The following AHCYL2 variants were observed in gnomAD, a reference collection of about 807,000 sequenced individuals.
AHCYL2 encodes the protein adenosylhomocysteinase like 2.
A neutral mutation model predicts 81.4 loss-of-function variants in AHCYL2; 28 were observed. The ratio of observed to expected loss-of-function variants is 0.34; its 90% confidence interval spans 0.25 to 0.47. The LOEUF (loss-of-function observed/expected upper bound fraction) is 0.47, where lower values mean the gene tolerates loss of function less well. Among genes scored for constraint, AHCYL2 ranks in the 20% least tolerant of loss-of-function variants. AHCYL2 has a pLI of 1.00. For synonymous variants in AHCYL2, 272 were observed against 290.2 expected, an observed-to-expected ratio of 0.94 and a Z score of 0.64; for missense variants, 551 against 785.1, an observed-to-expected ratio of 0.70 and a Z score of 3.56.
chr7:129,285,227 G>C (rs1796587198), intron 1 of AHCYL2, among the ~76,000 whole-genome samples: 1 of 152,214 alleles, frequency 6.6e-6, no homozygotes, highest in African/African-American at 2.4e-5. Flanking sequence ...GCTAGCATCA[G>C]CTATGGTTAG....
At chr7:129,342,739 A>T (rs1214554022) in intron 1 of AHCYL2, among the ~76,000 whole-genome samples, 2 of 152,196 alleles carry the variant, frequency 1.3e-5, no homozygotes, top group Non-Finnish European at 2.9e-5. Context: ...TTACATGTTT[A>T]AAATAAGGGA....
chr7:129,324,903 C>A (rs543590231), intron 1 of AHCYL2, among the ~76,000 whole-genome samples: 1 of 152,268 alleles, frequency 6.6e-6, no homozygotes, highest in South Asian at 2.1e-4. Flanking sequence ...TTATCAGACA[C>A]CTCCTTCATG....
intron 1 of AHCYL2, among the ~76,000 whole-genome samples, chr7:129,320,651 G>A (rs1352918714): frequency 6.6e-6 from 1 of 152,122 alleles, no homozygotes; most frequent in Non-Finnish European, 1.5e-5. Context: ...TAAATAATAT[G>A]CCATAAAATC....
In AHCYL2 at chr7:129,253,696, C is replaced by T. The variant is rs542608352; in HGVS notation, c.363+28257C>T. On this transcript the variant is annotated intron_variant, in intron 1 of 16. Transcript: ENST00000325006. ...GTTCAGACACAGCTCACTACAGCTT[C>T]GACCTTCTGGGCCCAAGTGATTCTT... 5.3e-5 allele frequency among the ~76,000 whole-genome samples: 8 copies of T among 152,272 alleles called. No homozygotes were observed. The South Asian group carries it at 6.2e-4, about 12-fold the overall frequency.
chr7:129,384,916 G>A (rs1417242239), intron 2 of AHCYL2, among the ~76,000 whole-genome samples: 3 of 152,110 alleles, frequency 2.0e-5, no homozygotes, highest in Non-Finnish European at 4.4e-5. Context: ...ATTAATCCAC[G>A]AAACTATTTT....
At chr7:129,277,360 C>T (rs941928123) in intron 1 of AHCYL2, among the ~76,000 whole-genome samples, 4 of 151,558 alleles carry the variant, frequency 2.6e-5, no homozygotes, top group East Asian at 3.9e-4. Context: ...TCACTGCAAC[C>T]TCCGCCTCCT....
intron 1 of AHCYL2, among the ~76,000 whole-genome samples, chr7:129,298,923 G>A (rs982455841): frequency 1.3e-5 from 2 of 152,120 alleles, no homozygotes; most frequent in Non-Finnish European, 2.9e-5. Flanking sequence ...TAAAGGCTCA[G>A]ATGGTAAGTG....
intron 1 of AHCYL2, among the ~76,000 whole-genome samples, chr7:129,320,656 A>G (rs143939402): frequency 6.6e-6 from 1 of 152,330 alleles, no homozygotes; most frequent in Non-Finnish European, 1.5e-5. Flanking sequence ...AATATGCCAT[A>G]AAATCTTCCT....
At chr7:129,314,329 A>G (rs566602641) in intron 1 of AHCYL2, among the ~76,000 whole-genome samples, 2 of 152,318 alleles carry the variant, frequency 1.3e-5, no homozygotes, top group South Asian at 4.1e-4. Context: ...ATATGATTAT[A>G]TTATGTTTTT....
intron 1 of AHCYL2, among the ~76,000 whole-genome samples, chr7:129,250,969 C>T (rs1046493632): frequency 2.6e-5 from 4 of 152,124 alleles, no homozygotes; most frequent in Admixed American, 6.6e-5. Flanking sequence ...TGACCAAAAC[C>T]GGTGAAGCCT....
Position 129,424,879 on chromosome 7 carries a change from C to G in AHCYL2, c.1566C>G (p.Arg522=). 1 of 1,612,896 alleles carries G rather than the reference C, an allele frequency of 6.2e-7. No homozygotes were observed. Among genetic ancestry groups the G allele is most frequent in the South Asian group, 1.1e-5 (1 of 91,016 alleles). ...GKRIVLLAEG[R]LLNLSCSTVP... ...TCTTCACCTTTGATCACTAGGGCCGCCTGCTGAACCTTAGCTGCTCCACAG... is the reference window on the plus strand; with the variant it reads ...TCTTCACCTTTGATCACTAGGGCCGGCTGCTGAACCTTAGCTGCTCCACAG... The change falls in exon 14 of 17, where the codon CGC becomes CGG. Residue 522 remains arginine (R), a synonymous_variant. Coordinates refer to ENST00000325006, the MANE Select transcript of AHCYL2 (RefSeq NM_015328.4).
At chr7:129,330,306 G>T (rs1385018558) in intron 1 of AHCYL2, among the ~76,000 whole-genome samples, 3 of 151,878 alleles carry the variant, frequency 2.0e-5, no homozygotes, top group Non-Finnish European at 4.4e-5. Flanking sequence ...CCCAAAAGCT[G>T]TTCTGTTTGT....
intron 12 of AHCYL2, among the ~76,000 whole-genome samples, chr7:129,417,287 C>T (rs1294481401): frequency 6.6e-6 from 1 of 152,102 alleles, no homozygotes; most frequent in Non-Finnish European, 1.5e-5. Context: ...ACAAGGAGGC[C>T]AGTGTGCTTG....
chr7:129,416,747 C>A (rs1796871892), intron 12 of AHCYL2, among the ~76,000 whole-genome samples: 1 of 151,958 alleles, frequency 6.6e-6, no homozygotes, highest in East Asian at 1.9e-4. Flanking sequence ...TTGCAGTGAG[C>A]CAAGATCGCA....
rs1049299576 is a variant in AHCYL2, at chr7:129,430,060, T to C, written c.*3015T>C. 1 of 151,776 alleles carries C rather than the reference T, an allele frequency of 6.6e-6. No individual in the cohort carries two copies. Among genetic ancestry groups the C allele is most frequent in the African/African-American group, 2.4e-5 (1 of 41,272 alleles). 9.4% of individuals were successfully genotyped at this position (151,776 alleles called of 1,614,324 possible). A position where few individuals can be genotyped will look rare whatever the true frequency, so the allele number is the denominator to read the frequency against. The stretch of plus-strand genomic sequence containing the variant: ...ATCTATATATCTATATACGTAATCA[T>C]CTAGTTCTGTCATCTTACTGAAAGG... On this transcript the variant is annotated 3_prime_UTR_variant, in exon 17 of 17. Coordinates refer to ENST00000325006, the MANE Select transcript of AHCYL2 (RefSeq NM_015328.4).
At chr7:129,261,138 T>C (rs1795622955) in intron 1 of AHCYL2, among the ~76,000 whole-genome samples, 1 of 152,238 alleles carries the variant, frequency 6.6e-6, no homozygotes, top group Non-Finnish European at 1.5e-5. Flanking sequence ...TAAATGCATG[T>C]ATATTTACCC....
intron 1 of AHCYL2, among the ~76,000 whole-genome samples, chr7:129,301,182 C>G (rs1050966566): frequency 3.9e-5 from 6 of 152,112 alleles, no homozygotes; most frequent in Non-Finnish European, 8.8e-5. Flanking sequence ...CTATTCAGAT[C>G]TTTTGCCCAT....
At chr7:129,369,540 TTG>T (rs1480924125) in intron 1 of AHCYL2, among the ~76,000 whole-genome samples, 1 of 151,814 alleles carries the variant, frequency 6.6e-6, no homozygotes, top group Non-Finnish European at 1.5e-5. Context: ...TTTCAGAACA[TTG>T]TGTTCAGGTT....
chr7:129,230,812 C>A (rs1345491518), intron 1 of AHCYL2, among the ~76,000 whole-genome samples: 1 of 151,564 alleles, frequency 6.6e-6, no homozygotes, highest in East Asian at 1.9e-4. Flanking sequence ...ACCTCGTGAT[C>A]CACCTGCCTC....
Sources: allele counts gnomAD v4.1 joint callset (sites outside exome capture counted in the v4.1 genomes callset), GRCh38; gene constraint gnomAD v4.1.1; transcripts MANE v1.5; gene names NCBI Gene and HGNC (gene_info 2026-07-23, HGNC 2026-07-21).